RTF1: variants seen among roughly 807,000 people sequenced by gnomAD.
RTF1 encodes RNA polymerase-associated protein RTF1 homolog.
RTF1 carries 10 observed loss-of-function variants against 95.7 expected under a neutral mutation model. The ratio of observed to expected loss-of-function variants is 0.10; its 90% CI spans 0.06 to 0.18. RTF1 has a LOEUF of 0.18. Ranked by LOEUF, RTF1 falls within the 10% of genes least tolerant of loss-of-function variation. The pLI, the probability that RTF1 is intolerant of heterozygous loss-of-function variation, is 1.00. For missense variants in RTF1, 458 were observed against 875.6 expected (o/e 0.52, Z 6.02); for synonymous variants, 305 against 311.8 (o/e 0.98, Z 0.23).
intron 6 of RTF1, among the ~76,000 whole-genome samples, chr15:41,469,376 A>C: frequency 6.8e-6 from 1 of 147,900 alleles, no homozygotes; most frequent in African/African-American, 2.5e-5. Flanking sequence ...TTTAGCCACC[A>C]CTCCTGGTTT....
At chr15:41,480,526 G>A in intron 17 of RTF1, 55 bp from the exon 18 acceptor site, 3 of 1,301,680 alleles carry the variant, frequency 2.3e-6, no homozygotes, top group African/African-American at 1.4e-5. Context: ...GTGTAGCACA[G>A]GACTAAGAGG....
At chr15:41,445,072 C>T (rs2050754185) in intron 2 of RTF1, among the ~76,000 whole-genome samples, 1 of 152,086 alleles carries the variant, frequency 6.6e-6, no homozygotes, top group Non-Finnish European at 1.5e-5. Context: ...GCTGGGACTA[C>T]AGGCGCCCAC....
At chr15:41,475,499 G>T in intron 9 of RTF1, 26 bp from the exon 10 acceptor site, 1 of 1,593,910 alleles carries the variant, frequency 6.3e-7, no homozygotes, top group Admixed American at 1.7e-5. Flanking sequence ...CACATTTCTT[G>T]GAGATGCTGT....
chr15:41,466,859 A>T (rs149142629), intron 6 of RTF1, among the ~76,000 whole-genome samples: 20 of 152,296 alleles, frequency 1.3e-4, no homozygotes, highest in Middle Eastern at 3.4e-3. Context: ...ATTGCTGACT[A>T]CATCTCGTTT....
At chr15:41,418,798 AAAAG>A (rs2050585164) in intron 1 of RTF1, among the ~76,000 whole-genome samples, 1 of 151,646 alleles carries the variant, frequency 6.6e-6, no homozygotes, top group Non-Finnish European at 1.5e-5. Flanking sequence ...AAAAAAAAAA[AAAAG>A]AAAAGAAAGA....
chr15:41,447,486 A>C (rs993391149), intron 2 of RTF1, among the ~76,000 whole-genome samples: 1 of 152,202 alleles, frequency 6.6e-6, no homozygotes, highest in Non-Finnish European at 1.5e-5. Flanking sequence ...TTCACTAGGT[A>C]ATTGTTGCCC....
intron 1 of RTF1, among the ~76,000 whole-genome samples, chr15:41,420,832 T>C (rs910902382): frequency 1.3e-5 from 2 of 152,192 alleles, no homozygotes; most frequent in African/African-American, 4.8e-5. Flanking sequence ...GTTCCCATCC[T>C]AGACCTACTG....
chr15:41,470,946 T>A (rs565427942), intron 7 of RTF1, among the ~76,000 whole-genome samples: 1 of 152,204 alleles, frequency 6.6e-6, no homozygotes, highest in South Asian at 2.1e-4. Context: ...GCTCATTCAT[T>A]TTCTTACTCT....
At chr15:41,427,365 A>G (rs914346452) in intron 1 of RTF1, among the ~76,000 whole-genome samples, 2 of 128,864 alleles carry the variant, frequency 1.6e-5, no homozygotes, top group Non-Finnish European at 3.4e-5. Context: ...GTTAGCCAGG[A>G]TGGTCTGGAT....
intron 2 of RTF1, chr15:41,448,815 A>G (rs1341897891): frequency 6.6e-6 from 1 of 152,040 alleles, no homozygotes; most frequent in Non-Finnish European, 1.5e-5. Flanking sequence ...CTGTATTCTA[A>G]TTTTAGATAT....
chr15:41,477,059 G>A, intron 12 of RTF1, 106 bp from the exon 13 acceptor site: 1 of 1,413,204 alleles, frequency 7.1e-7, no homozygotes. Flanking sequence ...CCTGTCCTTT[G>A]CTCACCACAT....
intron 2 of RTF1, among the ~76,000 whole-genome samples, chr15:41,448,447 C>G (rs756668497): frequency 6.6e-6 from 1 of 152,058 alleles, no homozygotes; most frequent in Admixed American, 6.6e-5. Flanking sequence ...CAGGCAGACC[C>G]CCTGAGGTCA....
rs2050576261 is a variant in RTF1 at position 41,417,325 on chromosome 15, CCGCGGAGG to C, written c.198+18_198+25del. On this transcript the variant is annotated intron_variant, in intron 1 of 17. Transcript: ENST00000389629. Reference sequence around the variant, plus strand: ...AGAACCTGGATCAGGTGAGGGCAGGCCGCGGAGGCGCGGGCCGGCGGAGCCAGAGGGCT... The same window carrying C: ...AGAACCTGGATCAGGTGAGGGCAGGCCGCGGGCCGGCGGAGCCAGAGGGCT... 1 of 1,246,602 alleles carries C rather than the reference CCGCGGAGG, an allele frequency of 8.0e-7. No homozygotes were observed. The allele number at this position is 1,246,602 out of a possible 1,614,324, so 77.2% of individuals were successfully genotyped here. A position where few individuals can be genotyped will look rare whatever the true frequency, so the allele number is the denominator to read the frequency against.
chr15:41,471,984 C>T (rs1467330934), intron 8 of RTF1, among the ~76,000 whole-genome samples: 7 of 151,872 alleles, frequency 4.6e-5, no homozygotes, highest in East Asian at 1.9e-4. Context: ...CTGCAACCTC[C>T]GCCTCCCGGG....
intron 6 of RTF1, among the ~76,000 whole-genome samples, chr15:41,466,603 C>T (rs2050881592): frequency 6.6e-6 from 1 of 152,130 alleles, no homozygotes; most frequent in Non-Finnish European, 1.5e-5. Flanking sequence ...TGTCAAATAT[C>T]TAGTCAGTGT....
chr15:41,480,842 T>C lies in RTF1; in HGVS notation c.*155T>C. The C allele has an allele frequency of 1.6e-6, 1 of 632,422 alleles. No individual in the cohort carries two copies. Among genetic ancestry groups the C allele is most frequent in the Non-Finnish European group, 2.8e-6 (1 of 351,522 alleles). 39.2% of individuals were successfully genotyped at this position (632,422 alleles called of 1,614,324 possible). A position where few individuals can be genotyped will look rare whatever the true frequency, so the allele number is the denominator to read the frequency against. On this transcript the variant is annotated 3_prime_UTR_variant, in exon 18 of 18. Transcript: ENST00000389629. ...CATCTGTAATATAAACCATTTGCTG[T>C]ATAGACCTCCTTTGTCTGCACACCA... is the stretch of plus-strand genomic sequence containing the variant.
chr15:41,419,045 G>A (rs1389896369), intron 1 of RTF1, among the ~76,000 whole-genome samples: 1 of 152,120 alleles, frequency 6.6e-6, no homozygotes. Context: ...TGGGGCCTGT[G>A]TAAGACTATC....
rs2050971027 is a variant in RTF1 at position 41,481,116 on chromosome 15, T to C, written c.*429T>C. On this transcript the variant is annotated 3_prime_UTR_variant, in exon 18 of 18. Coordinates refer to ENST00000389629, the MANE Select transcript of RTF1 (RefSeq NM_015138.5). ...GCCCACCCATTGAACATTCGGCACGTGACCTTGTGGGGGGAGCGGGGATTG... is the reference window on the plus strand; with the variant it reads ...GCCCACCCATTGAACATTCGGCACGCGACCTTGTGGGGGGAGCGGGGATTG... 6.4e-6 allele frequency: 1 copy of C among 156,846 alleles called. No homozygotes were observed. The highest frequency in any genetic ancestry group is 2.4e-5 in the African/African-American group (1 of 41,540). The allele number at this position is 156,846 out of a possible 1,614,324, so 9.7% of individuals were successfully genotyped here. A position where few individuals can be genotyped will look rare whatever the true frequency, so the allele number is the denominator to read the frequency against.
At chr15:41,445,800 A>G (rs1287215453) in intron 2 of RTF1, among the ~76,000 whole-genome samples, 1 of 150,974 alleles carries the variant, frequency 6.6e-6, no homozygotes, top group African/African-American at 2.4e-5. Flanking sequence ...TGGTGGCTCA[A>G]TCTCTGCTCA....
Sources: gnomAD v4.1 joint callset for allele counts (sites outside exome capture counted in the v4.1 genomes callset) on GRCh38, gnomAD v4.1.1 for gene constraint, MANE v1.5 for transcripts, NCBI Gene and HGNC (gene_info 2026-07-23, HGNC 2026-07-21) for gene names.